The following FLI1 variants were observed in gnomAD, a reference collection of about 807,000 sequenced individuals.
The protein encoded by FLI1 is Fli-1 proto-oncogene, ETS transcription factor.
A neutral mutation model predicts 53.1 loss-of-function variants in FLI1; 13 were observed. That is an observed-to-expected ratio of 0.24 (90% confidence interval 0.16 to 0.39). The LOEUF is 0.39. Among genes scored for constraint, FLI1 ranks in the 10% least tolerant of loss-of-function variants. The pLI, the probability that FLI1 is intolerant of heterozygous loss-of-function variation, is 1.00. For synonymous variants in FLI1, 244 were observed against 236.7 expected, an observed-to-expected ratio of 1.03 and a Z score of -0.28; for missense variants, 424 against 600.5, an observed-to-expected ratio of 0.71 and a Z score of 3.07.
chr11:128,782,125 C>T (rs990241866), intron 5 of FLI1, 102 bp downstream of exon 5: 2 of 1,031,598 alleles, frequency 1.9e-6, no homozygotes, highest in Non-Finnish European at 3.0e-6. Flanking sequence ...GCGTGTTCCA[C>T]TCAACTTTTC....
At chr11:128,706,808 C>A (rs920886629) in intron 1 of FLI1, among the ~76,000 whole-genome samples, 8 of 152,114 alleles carry the variant, frequency 5.3e-5, no homozygotes, top group Non-Finnish European at 7.4e-5. Context: ...CATGTAGCCA[C>A]CCAAATTTTA....
chr11:128,780,602 A>C (rs561728085), intron 4 of FLI1, among the ~76,000 whole-genome samples: 4 of 152,328 alleles, frequency 2.6e-5, no homozygotes, highest in Admixed American at 1.3e-4. Flanking sequence ...TTTCAAAAAA[A>C]ATAAATAAAT....
intron 5 of FLI1, 21 bp from the exon 6 acceptor site, chr11:128,805,345 C>G: frequency 1.3e-6 from 2 of 1,497,252 alleles, no homozygotes; most frequent in Non-Finnish European, 1.8e-6. Flanking sequence ...TAATGTACCC[C>G]TATTTGTTAT....
At chr11:128,756,547 G>A (rs1452897279) in intron 1 of FLI1, among the ~76,000 whole-genome samples, 1 of 152,168 alleles carries the variant, frequency 6.6e-6, no homozygotes, top group African/African-American at 2.4e-5. Flanking sequence ...CTAACAGGTG[G>A]CCTAAGAGAA....
chr11:128,725,446 C>A (rs1939431457), intron 1 of FLI1, among the ~76,000 whole-genome samples: 1 of 152,234 alleles, frequency 6.6e-6, no homozygotes, highest in African/African-American at 2.4e-5. Context: ...CAGCCTCAGG[C>A]AGCCAGGGAC....
chr11:128,712,590 A>C (rs1166539357), intron 1 of FLI1, among the ~76,000 whole-genome samples: 1 of 152,198 alleles, frequency 6.6e-6, no homozygotes, highest in Non-Finnish European at 1.5e-5. Context: ...GGCGGAAGGC[A>C]AGGAGGAGAA....
chr11:128,724,572 C>T (rs572916158), intron 1 of FLI1, among the ~76,000 whole-genome samples: 37 of 152,120 alleles, frequency 2.4e-4, no homozygotes, highest in Admixed American at 2.1e-3. Context: ...CTCACTGAAT[C>T]GAGTATGGAT....
Position 128,751,729 on chromosome 11 carries a change from CATGT to C in FLI1, c.19-6385_19-6382del, listed in dbSNP as rs1450684616. Among the ~76,000 whole-genome samples, 5 of 151,504 alleles carry C rather than the reference CATGT, an allele frequency of 3.3e-5. No homozygotes were observed. The East Asian group carries it at 9.7e-4, about 29-fold the overall frequency. ...TTTTTTAGTAGAGACAGGGTTTCACCATGTTAGCCAGGATGGTCTTGATCTCTTG... is the reference window on the plus strand; with the variant it reads ...TTTTTTAGTAGAGACAGGGTTTCACCTAGCCAGGATGGTCTTGATCTCTTG... On this transcript the variant is annotated intron_variant, in intron 1 of 8. Coordinates refer to ENST00000527786, the MANE Select transcript of FLI1 (RefSeq NM_002017.5).
intron 4 of FLI1, among the ~76,000 whole-genome samples, chr11:128,774,077 G>T (rs1941659507): frequency 6.6e-6 from 1 of 152,174 alleles, no homozygotes; most frequent in South Asian, 2.1e-4. Context: ...GGGTTGGTGA[G>T]CTCTGTTTGC....
At chr11:128,729,814 C>G (rs370871877) in intron 1 of FLI1, among the ~76,000 whole-genome samples, 15 of 152,274 alleles carry the variant, frequency 9.9e-5, no homozygotes, top group African/African-American at 3.6e-4. Flanking sequence ...AGATGGGAAG[C>G]ATTTTGACCT....
intron 1 of FLI1, among the ~76,000 whole-genome samples, chr11:128,688,324 T>C (rs1416357425): frequency 6.6e-6 from 1 of 152,246 alleles, no homozygotes; most frequent in African/African-American, 2.4e-5. Context: ...AGCTGCTCGC[T>C]GCAGGAGCTC....
intron 1 of FLI1, among the ~76,000 whole-genome samples, chr11:128,695,021 G>T (rs1418045353): frequency 1.3e-5 from 2 of 150,584 alleles, no homozygotes; most frequent in African/African-American, 4.9e-5. Flanking sequence ...CGCCCTTCGC[G>T]CCTAGGCGTG....
intron 1 of FLI1, among the ~76,000 whole-genome samples, chr11:128,719,185 G>A (rs1285252927): frequency 6.6e-6 from 1 of 151,930 alleles, no homozygotes; most frequent in East Asian, 1.9e-4. Context: ...TCCAGGCTTT[G>A]GAGACAGGCA....
chr11:128,760,320 G>A (rs1005256941), intron 2 of FLI1, among the ~76,000 whole-genome samples: 13 of 152,096 alleles, frequency 8.5e-5, no homozygotes, highest in African/African-American at 7.2e-5. Context: ...GAACCCAGGC[G>A]TTTGGTTCCA....
intron 5 of FLI1, among the ~76,000 whole-genome samples, 185 bp downstream of exon 5, chr11:128,782,208 T>G (rs1472415283): frequency 2.6e-5 from 4 of 152,242 alleles, no homozygotes; most frequent in African/African-American, 9.6e-5. Context: ...AAGAAAGTTT[T>G]ACAGTATCTT....
intron 1 of FLI1, among the ~76,000 whole-genome samples, chr11:128,703,261 C>G: frequency 6.6e-6 from 1 of 152,282 alleles, no homozygotes; most frequent in African/African-American, 2.4e-5. Flanking sequence ...AATCTTTCCA[C>G]AGAGCAACAT....
At chr11:128,767,681 G>A (rs182081992) in intron 2 of FLI1, among the ~76,000 whole-genome samples, 6 of 152,328 alleles carry the variant, frequency 3.9e-5, no homozygotes, top group Admixed American at 3.9e-4. Context: ...CAGTCAGGGG[G>A]CGCAGGCCAA....
chr11:128,720,237 C>T (rs368939337), intron 1 of FLI1, among the ~76,000 whole-genome samples: 1 of 152,136 alleles, frequency 6.6e-6, no homozygotes, highest in African/African-American at 2.4e-5. Flanking sequence ...AAATATTACA[C>T]TATATCACTA....
intron 1 of FLI1, among the ~76,000 whole-genome samples, chr11:128,713,691 T>G (rs1938885967): frequency 6.6e-6 from 1 of 151,900 alleles, no homozygotes; most frequent in South Asian, 2.1e-4. Context: ...ATGGGGTGCC[T>G]CGGGAGGGCA....
Sources: allele counts gnomAD v4.1 joint callset (sites outside exome capture counted in the v4.1 genomes callset), GRCh38; gene constraint gnomAD v4.1.1; transcripts MANE v1.5; gene names NCBI Gene and HGNC (gene_info 2026-07-23, HGNC 2026-07-21).